The following RAD9B variants were observed in gnomAD, a reference collection of about 807,000 sequenced individuals.
The protein encoded by RAD9B is RAD9 checkpoint clamp component B, also known as cell cycle checkpoint control protein RAD9B.
In RAD9B, 41 loss-of-function variants were observed where a neutral mutation model predicts 48.3. The observed-to-expected ratio is 0.85, with a 90% CI of 0.66 to 1.10. The LOEUF is 1.10. Ranked by LOEUF, RAD9B falls within the 50% of genes least tolerant of loss-of-function variation. The probability of loss-of-function intolerance (pLI) is 0.00; values close to 1 mark genes in which losing one functional copy is unlikely to be tolerated. For missense variants in RAD9B, 444 were observed against 485.1 expected (o/e 0.92, Z 0.80); for synonymous variants, 160 against 157.9 (o/e 1.01, Z -0.10).
intron 5 of RAD9B, among the ~76,000 whole-genome samples, chr12:110,513,979 T>A (rs1257957620): frequency 6.6e-6 from 1 of 151,992 alleles, no homozygotes; most frequent in South Asian, 2.1e-4. Context: ...CCATCTGCCT[T>A]AGCCTCCCAA....
intron 8 of RAD9B, among the ~76,000 whole-genome samples, chr12:110,519,413 TTGTTGTTGTTGTTGTTGTTG>T (rs2063706938): frequency 1.4e-5 from 2 of 145,176 alleles, no homozygotes; most frequent in African/African-American, 5.0e-5. Flanking sequence ...CTACTGTTTG[TTGTTGTTGTTGTTGTTGTTG>T]TTGTTGTTGT....
At position 110,531,340 on chromosome 12, in the gene RAD9B, G is replaced by A. The variant is rs756136572; in HGVS notation, c.*687G>A. ...CCCGTGCAGCTGGGATTGCAGGTGC[G>A]TGCCACCATGCCTGGCTAATTTCTG... On this transcript the variant is annotated 3_prime_UTR_variant, in exon 11 of 11. Transcript: ENST00000409300. 9.9e-6 allele frequency: 4 copies of A among 403,656 alleles called. No individual in the cohort carries two copies. Among genetic ancestry groups the A allele is most frequent in the South Asian group, 5.0e-5 (2 of 39,892 alleles). 25.0% of individuals were successfully genotyped at this position (403,656 alleles called of 1,614,324 possible).
At chr12:110,512,671 T>G (rs2063494423) in intron 4 of RAD9B, 108 bp from the exon 5 acceptor site, 1 of 596,966 alleles carries the variant, frequency 1.7e-6, no homozygotes, top group Admixed American at 3.0e-5. Flanking sequence ...ACTTGCCAGA[T>G]AGTAAATGTT....
intron 6 of RAD9B, among the ~76,000 whole-genome samples, chr12:110,516,745 G>A (rs1056916311): frequency 3.3e-5 from 5 of 151,672 alleles, no homozygotes; most frequent in African/African-American, 1.2e-4. Context: ...CCTGGGAGGC[G>A]GTGGTTGCAG....
Position 110,531,441 on chromosome 12 carries a change from C to T in RAD9B, c.*788C>T, listed in dbSNP as rs1334281940. The stretch of plus-strand genomic sequence containing the variant: ...TCCTGGCCTCAAGTGATCTGCCCAC[C>T]TCGGCCTCCCAAAGTGCTGGGATTA... On this transcript the variant is annotated 3_prime_UTR_variant, in exon 11 of 11. Coordinates refer to ENST00000409300, the MANE Select transcript of RAD9B (RefSeq NM_001286535.2). 5 of 643,302 alleles carry T rather than the reference C, an allele frequency of 7.8e-6. No individual in the cohort carries two copies. Among genetic ancestry groups the T allele is most frequent in the Non-Finnish European group, 1.3e-5 (5 of 375,600 alleles). The allele number at this position is 643,302 out of a possible 1,614,324, so 39.8% of individuals were successfully genotyped here.
rs751662251 is a variant in RAD9B, at chr12:110,502,343, A to C, written c.6A>C (p.Ala2=). 7.4e-6 allele frequency: 12 copies of C among 1,613,572 alleles called. No individual in the cohort carries two copies. The South Asian group carries it at 1.2e-4, about 16-fold the overall frequency. The change falls in exon 1 of 11, where the codon GCA becomes GCC. Residue 2 remains alanine, a synonymous_variant. Coordinates refer to ENST00000409300, the MANE Select transcript of RAD9B (RefSeq NM_001286535.2). ...GAGCCTGCTTTTTAGGGCGGATGGC[A>C]GCCATGCTGAAGTGCGTGATGAGCG... M[A]AMLKCVMSGS... is the part of the protein sequence containing the mutation.
chr12:110,529,608 C>T (rs1260849756), intron 10 of RAD9B, among the ~76,000 whole-genome samples: 3 of 151,128 alleles, frequency 2.0e-5, no homozygotes, highest in South Asian at 2.1e-4. Context: ...AAAAAGGCTG[C>T]GCATGGTTGT....
In RAD9B at chr12:110,505,736, C is replaced by T; in HGVS notation, c.237C>T (p.Asp79=). 1 of 1,611,804 alleles carries T rather than the reference C, an allele frequency of 6.2e-7. No individual in the cohort carries two copies. The highest frequency in any genetic ancestry group is 1.1e-5 in the South Asian group (1 of 90,460). ...TGAAAATGAGTGAAAATGAACTTGA[C>T]ACAACACTGCATTTAAAATGCAAAT... ...ALVKMSENEL[D]TTLHLKCKLG... The change falls in exon 3 of 11, where the codon GAC becomes GAT. Residue 79 remains aspartate, a synonymous_variant. Coordinates refer to ENST00000409300, the MANE Select transcript of RAD9B (RefSeq NM_001286535.2).
At chr12:110,504,978 CCTGGCCAA>C (rs1337409451) in intron 2 of RAD9B, among the ~76,000 whole-genome samples, 3 of 152,040 alleles carry the variant, frequency 2.0e-5, no homozygotes, top group African/African-American at 7.2e-5. Context: ...TGCACTCCAG[CCTGGCCAA>C]CAGGCTGGTT....
chr12:110,511,005 G>C (rs2063441606), intron 4 of RAD9B, among the ~76,000 whole-genome samples: 1 of 151,888 alleles, frequency 6.6e-6, no homozygotes, highest in African/African-American at 2.4e-5. Context: ...GAGAAGAGGA[G>C]AGAAAAGAAA....
intron 10 of RAD9B, among the ~76,000 whole-genome samples, chr12:110,529,010 G>T (rs2064037152): frequency 6.6e-6 from 1 of 152,034 alleles, no homozygotes; most frequent in Non-Finnish European, 1.5e-5. Flanking sequence ...TTACAGGCGT[G>T]AGCTACCGTG....
chr12:110,526,896 G>A (rs184117517), intron 10 of RAD9B, among the ~76,000 whole-genome samples: 15 of 142,780 alleles, frequency 1.1e-4, no homozygotes, highest in South Asian at 2.2e-4. Context: ...GCGACAGAAC[G>A]AGACTCCATC....
chr12:110,506,754 A>G, intron 4 of RAD9B, 61 bp downstream of exon 4: 1 of 817,966 alleles, frequency 1.2e-6, no homozygotes, highest in Non-Finnish European at 2.1e-6. Context: ...TTTCATGTTT[A>G]GAACATTGAT....
At chr12:110,507,508 TATAATACATAATATATGTATTAAATATA>T (rs1300498872) in intron 4 of RAD9B, among the ~76,000 whole-genome samples, 4 of 28,308 alleles carry the variant, frequency 1.4e-4, no homozygotes, top group Middle Eastern at 0.023. Context: ...ATGTATTAAA[TATAATACATAATATATGTATTAAATATA>T]ATACATAATA....
Position 110,506,572 on chromosome 12 carries a change from GTTACAGTCAATTTTGCCCA to G in RAD9B, c.274-5_287del, listed in dbSNP as rs2063278068. On this transcript the variant is annotated splice_acceptor_variant and splice_polypyrimidine_tract_variant and coding_sequence_variant and intron_variant, in exon 4 of 11. Coordinates refer to ENST00000409300, the MANE Select transcript of RAD9B (RefSeq NM_001286535.2). LOFTEE classifies it high-confidence loss of function. ...GTATGTGCTTAATATGTATATTTCT[GTTACAGTCAATTTTGCCCA>G]TCTTTAGATGTCTGAATTCCCTTGA... 3 of 1,316,614 alleles carry G rather than the reference GTTACAGTCAATTTTGCCCA, an allele frequency of 2.3e-6. No individual in the cohort carries two copies. The African/African-American group carries it at 4.3e-5, about 19-fold the overall frequency. The allele number at this position is 1,316,614 out of a possible 1,614,324, so 81.6% of individuals were successfully genotyped here. A position where few individuals can be genotyped will look rare whatever the true frequency, so the allele number is the denominator to read the frequency against.
intron 6 of RAD9B, 67 bp from the exon 7 acceptor site, chr12:110,518,609 T>A (rs970026157): frequency 3.1e-5 from 37 of 1,180,380 alleles, no homozygotes; most frequent in Admixed American, 2.1e-4. Context: ...ACCAGAAAAA[T>A]TCTTTTTTCC....
At chr12:110,509,306 A>G (rs773686413) in intron 4 of RAD9B, among the ~76,000 whole-genome samples, 15 of 151,800 alleles carry the variant, frequency 9.9e-5, no homozygotes, top group Non-Finnish European at 1.8e-4. Context: ...GGGTTTCACC[A>G]TGTTGCCCAG....
rs1450893184 is a variant in RAD9B at position 110,513,833 on chromosome 12, T to C, written c.488+955T>C. Among the ~76,000 whole-genome samples, 6 of 151,736 alleles carry C rather than the reference T, an allele frequency of 4.0e-5. 1 individual carries two copies. The stretch of plus-strand genomic sequence containing the variant: ...CCACCTCCTGGGTTCAAACAATTCT[T>C]GTGCCTCAGCTTCCCGAGTAGCTGG... On this transcript the variant is annotated intron_variant, in intron 5 of 10. Coordinates refer to ENST00000409300, the MANE Select transcript of RAD9B (RefSeq NM_001286535.2).
At chr12:110,512,984 TA>T in intron 5 of RAD9B, 106 bp downstream of exon 5, 7 of 615,264 alleles carry the variant, frequency 1.1e-5, no homozygotes, top group Non-Finnish European at 1.7e-5. Context: ...TTTTTTTTTT[TA>T]TATGGAGTCT....
Sources: allele counts gnomAD v4.1 joint callset (sites outside exome capture counted in the v4.1 genomes callset), GRCh38; gene constraint gnomAD v4.1.1; transcripts MANE v1.5; gene names NCBI Gene and HGNC (gene_info 2026-07-23, HGNC 2026-07-21).